FAT4: variants seen among roughly 807,000 people sequenced by gnomAD.
The protein encoded by FAT4 is protocadherin Fat 4.
Under a neutral mutation model 303.9 loss-of-function variants are expected in FAT4, and 84 were observed. That is an observed-to-expected ratio of 0.28 (90% CI 0.23 to 0.33). FAT4 has a LOEUF of 0.33. FAT4 is among the 10% of genes least tolerant of loss of function. The pLI, the probability that FAT4 is intolerant of heterozygous loss-of-function variation, is 1.00. For synonymous variants in FAT4, 2,307 were observed against 2,298.8 expected (o/e 1.00, Z -0.10); for missense variants, 6,005 against 6,146.8 (o/e 0.98, Z 0.77).
At chr4:125,470,602 C>T (rs756492666) in intron 12 of FAT4, among the ~76,000 whole-genome samples, 12 of 152,160 alleles carry the variant, frequency 7.9e-5, no homozygotes, top group Non-Finnish European at 1.3e-4. Context: ...TTCCTTAAAC[C>T]TCATGAGCCA....
At chr4:125,387,110 A>G (rs1048084352) in intron 2 of FAT4, among the ~76,000 whole-genome samples, 3 of 152,120 alleles carry the variant, frequency 2.0e-5, no homozygotes, top group Non-Finnish European at 1.5e-5. Context: ...CCCGCCCCTC[A>G]CCTGCTGCTA....
intron 16 of FAT4, 38 bp downstream of exon 16, chr4:125,481,776 C>T (rs757784236): frequency 1.3e-5 from 21 of 1,561,750 alleles, no homozygotes; most frequent in Non-Finnish European, 1.8e-5. Context: ...TTTGATTAGA[C>T]CGCCTGCCGT....
intron 2 of FAT4, among the ~76,000 whole-genome samples, chr4:125,347,087 A>G (rs1466930561): frequency 6.6e-6 from 1 of 151,952 alleles, no homozygotes; most frequent in African/African-American, 2.4e-5. Flanking sequence ...ATATGAAAGC[A>G]TCAGCCTGAG....
intron 11 of FAT4, among the ~76,000 whole-genome samples, chr4:125,465,229 A>G (rs1219146669): frequency 6.6e-6 from 1 of 152,044 alleles, no homozygotes; most frequent in Non-Finnish European, 1.5e-5. Context: ...CATTCACAGA[A>G]CCCCTTTTTA....
chr4:125,378,887 G>T (rs1004999992), intron 2 of FAT4, among the ~76,000 whole-genome samples: 1 of 152,088 alleles, frequency 6.6e-6, no homozygotes, highest in South Asian at 2.1e-4. Context: ...AATTCCACTG[G>T]CTATGGAGTA....
At chr4:125,324,264 C>G (rs1055834982) in intron 2 of FAT4, among the ~76,000 whole-genome samples, 2 of 152,138 alleles carry the variant, frequency 1.3e-5, no homozygotes, top group East Asian at 3.9e-4. Context: ...ATATGTACTT[C>G]AGTAAGCATT....
chr4:125,485,095 C>A (rs761765861), intron 16 of FAT4, among the ~76,000 whole-genome samples: 2 of 152,048 alleles, frequency 1.3e-5, no homozygotes, highest in Non-Finnish European at 2.9e-5. Flanking sequence ...GCTTGTAGGA[C>A]TGAAAGTTGC....
chr4:125,378,818 A>G (rs1733431347), intron 2 of FAT4, among the ~76,000 whole-genome samples: 1 of 152,188 alleles, frequency 6.6e-6, no homozygotes, highest in South Asian at 2.1e-4. Context: ...TTAAGAATAA[A>G]AAGAAAATTT....
At chr4:125,469,673 TA>T (rs1432725927) in intron 12 of FAT4, among the ~76,000 whole-genome samples, 3 of 152,210 alleles carry the variant, frequency 2.0e-5, no homozygotes, top group African/African-American at 7.2e-5. Flanking sequence ...TGCAAGATTG[TA>T]GCAGCTCAAT....
At chr4:125,481,250 T>C (rs1169981300) in intron 15 of FAT4, among the ~76,000 whole-genome samples, 1 of 152,210 alleles carries the variant, frequency 6.6e-6, no homozygotes, top group Non-Finnish European at 1.5e-5. Flanking sequence ...ATTTACGTAA[T>C]GTGGCAAATA....
chr4:125,349,856 A>T (rs1334597853), intron 2 of FAT4, among the ~76,000 whole-genome samples: 1 of 151,702 alleles, frequency 6.6e-6, no homozygotes, highest in East Asian at 1.9e-4. Flanking sequence ...AATTGACTAA[A>T]ATCCTGAAAA....
At chr4:125,390,230 T>A (rs1733929306) in intron 2 of FAT4, among the ~76,000 whole-genome samples, 1 of 152,174 alleles carries the variant, frequency 6.6e-6, no homozygotes, top group African/African-American at 2.4e-5. Context: ...ACTCTATACT[T>A]GATTCTCATG....
intron 2 of FAT4, among the ~76,000 whole-genome samples, chr4:125,343,189 G>A (rs1278261854): frequency 6.6e-6 from 1 of 152,060 alleles, no homozygotes; most frequent in Non-Finnish European, 1.5e-5. Flanking sequence ...ATGCTATTGA[G>A]TTCTCTGAAT....
intron 16 of FAT4, among the ~76,000 whole-genome samples, chr4:125,483,434 T>A (rs1727296831): frequency 6.6e-6 from 1 of 152,220 alleles, no homozygotes; most frequent in African/African-American, 2.4e-5. Context: ...AATATTTCTG[T>A]ACTAACGTAC....
At chr4:125,437,102 ACTTCCGCCTT>A (rs1170414984) in intron 8 of FAT4, among the ~76,000 whole-genome samples, 1 of 151,934 alleles carries the variant, frequency 6.6e-6, no homozygotes, top group Non-Finnish European at 1.5e-5. Context: ...TGATCTGCCC[ACTTCCGCCTT>A]CCAAAGTGCT....
chr4:125,321,456 C>T lies in FAT4; in HGVS notation c.5045C>T (p.Thr1682Ile). 1 of 1,614,080 alleles carries T rather than the reference C, an allele frequency of 6.2e-7. No homozygotes were observed. The highest frequency in any genetic ancestry group is 8.5e-7 in the Non-Finnish European group (1 of 1,179,988). ...GAAAAAACTGTTGGACGCCTCTTTA[C>T]TATTGGACGACATACTGGTATAATT... ...CEEKTVGRLF[T>I]IGRHTGIIQT... The change falls in exon 2 of 18, where the codon ACT (threonine) becomes ATT (isoleucine). Residue 1682 changes from threonine to isoleucine, a missense_variant. Coordinates refer to ENST00000394329, the MANE Select transcript of FAT4 (RefSeq NM_001291303.3).
chr4:125,434,524 T>G, intron 8 of FAT4, 99 bp downstream of exon 8: 2 of 1,011,598 alleles, frequency 2.0e-6, no homozygotes, highest in Non-Finnish European at 3.0e-6. Context: ...AACGTCATAT[T>G]AACACATATC....
In FAT4 at chr4:125,333,819, G is replaced by A. The variant is rs556328591; in HGVS notation, c.5175+12233G>A. On this transcript the variant is annotated intron_variant, in intron 2 of 17. Coordinates refer to ENST00000394329, the MANE Select transcript of FAT4 (RefSeq NM_001291303.3). ...GAAAACATCGGTGCTGTTTAAAAAT[G>A]TCATATATTTTCAAATATTAAAAAT... Among the ~76,000 whole-genome samples, 5 of 152,256 alleles carry A rather than the reference G, an allele frequency of 3.3e-5. No homozygotes were observed. In the East Asian group the frequency reaches 9.7e-4, roughly 29 times the overall value.
chr4:125,390,338 A>C (rs1244168361), intron 2 of FAT4, among the ~76,000 whole-genome samples: 1 of 152,144 alleles, frequency 6.6e-6, no homozygotes, highest in Non-Finnish European at 1.5e-5. Context: ...ATTGTGGGCA[A>C]ACTCATATTC....
Sources: allele counts gnomAD v4.1 joint callset (sites outside exome capture counted in the v4.1 genomes callset), GRCh38; gene constraint gnomAD v4.1.1; transcripts MANE v1.5; gene names NCBI Gene and HGNC (gene_info 2026-07-23, HGNC 2026-07-21).